MCCC2: variants seen among roughly 807,000 people sequenced by gnomAD.
MCCC2 encodes the protein methylcrotonyl-CoA carboxylase subunit 2, also known as methylcrotonoyl-CoA carboxylase beta chain, mitochondrial.
In MCCC2, 52 loss-of-function variants were observed where a neutral mutation model predicts 77.2. The observed-to-expected ratio is 0.67, with a 90% CI of 0.54 to 0.85. MCCC2 has a LOEUF of 0.85. Among genes scored for constraint, MCCC2 ranks in the 40% least tolerant of loss-of-function variants. The probability of loss-of-function intolerance (pLI) is 0.00; values close to 1 mark genes in which losing one functional copy is unlikely to be tolerated. For synonymous variants in MCCC2, 253 were observed against 248.4 expected, an observed-to-expected ratio of 1.02 and a Z score of -0.18; for missense variants, 682 against 703.2, an observed-to-expected ratio of 0.97 and a Z score of 0.34.
At chr5:71,594,179 T>C (rs1008785664) in intron 2 of MCCC2, among the ~76,000 whole-genome samples, 3 of 152,214 alleles carry the variant, frequency 2.0e-5, no homozygotes, top group African/African-American at 4.8e-5. Context: ...TCAATTGTTA[T>C]GCCCATTTTG....
At chr5:71,599,858 G>A in intron 4 of MCCC2, 98 bp downstream of exon 4, 1 of 946,132 alleles carries the variant, frequency 1.1e-6, no homozygotes, top group Non-Finnish European at 1.7e-6. Context: ...CATGCGATTT[G>A]TATGCTATTT....
At chr5:71,644,616 T>C (rs1469565019) in intron 12 of MCCC2, among the ~76,000 whole-genome samples, 1 of 152,138 alleles carries the variant, frequency 6.6e-6, no homozygotes, top group East Asian at 1.9e-4. Flanking sequence ...TTGATAAAAA[T>C]GTCTTTTAAA....
chr5:71,621,039 T>C (rs1330824725), intron 6 of MCCC2, among the ~76,000 whole-genome samples: 2 of 152,206 alleles, frequency 1.3e-5, no homozygotes, highest in Non-Finnish European at 2.9e-5. Context: ...AAGCCAAATC[T>C]CTGCCTCTGA....
In MCCC2 at chr5:71,634,943, A is replaced by T; in HGVS notation, c.804A>T (p.Arg268Ser). Reference protein sequence around the residue: ...EDLGGADLHCRKSGVSDHWAL... With the variant: ...EDLGGADLHCSKSGVSDHWAL... ...CAAGTTTAGTTTGCTTATTCTGTAG[A>T]AAGTCTGGAGTAAGTGACCACTGGG... The change falls in exon 9 of 17, where the codon AGA becomes AGT. Residue 268 changes from arginine (R) to serine (S), a missense_variant and splice_region_variant. By Grantham distance (110) the Arg-to-Ser change is moderately radical (BLOSUM62 -1). Coordinates refer to ENST00000340941, the MANE Select transcript of MCCC2 (RefSeq NM_022132.5). The T allele has an allele frequency of 1.9e-6, 3 of 1,613,898 alleles. No homozygotes were observed. Among genetic ancestry groups the T allele is most frequent in the Non-Finnish European group, 2.5e-6 (3 of 1,179,900 alleles).
At chr5:71,587,579 G>A in intron 1 of MCCC2, 25 bp downstream of exon 1, 1 of 1,530,646 alleles carries the variant, frequency 6.5e-7, no homozygotes, top group Non-Finnish European at 8.8e-7. Context: ...CCGGTGGCCT[G>A]GCCGCCGGTG....
intron 6 of MCCC2, among the ~76,000 whole-genome samples, chr5:71,616,866 C>T (rs1388696198): frequency 2.0e-5 from 3 of 152,146 alleles, no homozygotes; most frequent in Non-Finnish European, 4.4e-5. Context: ...TGGGCAGTTC[C>T]TCTCCACTCT....
At chr5:71,611,507 G>A (rs1325246082) in intron 6 of MCCC2, among the ~76,000 whole-genome samples, 1 of 152,172 alleles carries the variant, frequency 6.6e-6, no homozygotes, top group Non-Finnish European at 1.5e-5. Flanking sequence ...TACAGTTTTT[G>A]TCTGTTAAAA....
intron 6 of MCCC2, among the ~76,000 whole-genome samples, chr5:71,611,861 T>A (rs1745961065): frequency 6.6e-6 from 1 of 151,526 alleles, no homozygotes; most frequent in Non-Finnish European, 1.5e-5. Context: ...CTACCTCGGC[T>A]CACTGCAAAC....
intron 7 of MCCC2, among the ~76,000 whole-genome samples, chr5:71,629,191 G>A (rs1291505767): frequency 4.9e-5 from 7 of 144,174 alleles, no homozygotes; most frequent in African/African-American, 1.8e-4. Flanking sequence ...GCAACAGAGC[G>A]AGACTCCATC....
In MCCC2 at chr5:71,646,135, T is replaced by G. The variant is rs114346617; in HGVS notation, c.1150-76T>G. On this transcript the variant is annotated intron_variant, in intron 12 of 16. Transcript: ENST00000340941. ...ATTCTTTCTTGTCTTTGGCTGAAGT[T>G]GTGGTGTTTGTAGAATGCATGATGA... The G allele has an allele frequency of 1.1e-3, 1,437 of 1,252,622 alleles. 10 individuals carry two copies. The African/African-American group carries it at 0.013, about 11-fold the overall frequency. 77.6% of individuals were successfully genotyped at this position (1,252,622 alleles called of 1,614,324 possible).
intron 11 of MCCC2, 78 bp downstream of exon 11, chr5:71,641,153 A>T: frequency 7.6e-7 from 1 of 1,311,582 alleles, no homozygotes; most frequent in South Asian, 1.2e-5. Flanking sequence ...CAAGACTTTG[A>T]TACACTTGAC....
intron 6 of MCCC2, among the ~76,000 whole-genome samples, chr5:71,619,915 C>T (rs181677809): frequency 1.0e-3 from 152 of 151,612 alleles, no homozygotes; most frequent in African/African-American, 3.3e-3. Context: ...CGCTTGGACC[C>T]GGGAGGTGGA....
In MCCC2 at chr5:71,658,488, C is replaced by T. The variant is rs1314799322; in HGVS notation, c.*1628C>T. The T allele has an allele frequency of 6.6e-6, 1 of 152,098 alleles. No individual in the cohort carries two copies. Among genetic ancestry groups the T allele is most frequent in the African/African-American group, 2.4e-5 (1 of 41,416 alleles). The allele number at this position is 152,098 out of a possible 1,614,324, so 9.4% of individuals were successfully genotyped here. On this transcript the variant is annotated 3_prime_UTR_variant, in exon 17 of 17. Coordinates refer to ENST00000340941, the MANE Select transcript of MCCC2 (RefSeq NM_022132.5). ...TTTTCCTATAAACATTAATATTGTC[C>T]TCCTGCTAGAATGTAAGCTCCGTGA...
intron 16 of MCCC2, among the ~76,000 whole-genome samples, chr5:71,653,426 C>G (rs1184418157): frequency 6.6e-6 from 1 of 152,150 alleles, no homozygotes; most frequent in East Asian, 1.9e-4. Context: ...GAAGACTAAT[C>G]TAAGCTTCAT....
At chr5:71,596,219 C>T in intron 2 of MCCC2, 61 bp from the exon 3 acceptor site, 1 of 1,401,938 alleles carries the variant, frequency 7.1e-7, no homozygotes, top group East Asian at 2.3e-5. Context: ...TTATGTTTTT[C>T]TGGCATTGAG....
In MCCC2 at chr5:71,633,121, A is replaced by ATTTTT. The variant is rs1231509058; in HGVS notation, c.803+937_803+938insTTTTT. 1.6e-3 allele frequency among the ~76,000 whole-genome samples: 49 copies of ATTTTT among 29,820 alleles called. 1 individual carries two copies. Among genetic ancestry groups the ATTTTT allele is most frequent in the Middle Eastern group, 0.025 (1 of 40 alleles). The allele number at this position is 29,820 out of a possible 152,430, so 19.6% of individuals were successfully genotyped here. A position where few individuals can be genotyped will look rare whatever the true frequency, so the allele number is the denominator to read the frequency against. ...TATATATATATATATATATATATAT[A>ATTTTT]TATATATATATTTTTATTTTTTGTA... On this transcript the variant is annotated intron_variant, in intron 8 of 16. Transcript: ENST00000340941.
intron 4 of MCCC2, 135 bp downstream of exon 4, chr5:71,599,895 G>A: frequency 1.3e-6 from 1 of 775,738 alleles, no homozygotes; most frequent in Non-Finnish European, 2.2e-6. Context: ...GCTGGGTGTG[G>A]TGGCTCACGC....
At position 71,656,986 on chromosome 5, in the gene MCCC2, T is replaced by C; in HGVS notation, c.*126T>C. On this transcript the variant is annotated 3_prime_UTR_variant, in exon 17 of 17. Transcript: ENST00000340941. ...TTTTTTAACACTGTGCATTGTACTT[T>C]TCTACCTTAAAAAAATCAGTGAGGA... 1 of 709,632 alleles carries C rather than the reference T, an allele frequency of 1.4e-6. No individual in the cohort carries two copies. The highest frequency in any genetic ancestry group is 2.5e-6 in the Non-Finnish European group (1 of 400,512). The allele number at this position is 709,632 out of a possible 1,614,324, so 44.0% of individuals were successfully genotyped here.
At chr5:71,646,064 TA>T (rs70992994) in intron 12 of MCCC2, 146 bp from the exon 13 acceptor site, 1,354 of 447,968 alleles carry the variant, frequency 3.0e-3, no homozygotes, top group Middle Eastern at 4.2e-3. Flanking sequence ...CATGTTTCTT[TA>T]AAAAAAAAAA....
Sources: gnomAD v4.1 joint callset for allele counts (sites outside exome capture counted in the v4.1 genomes callset) on GRCh38, gnomAD v4.1.1 for gene constraint, MANE v1.5 for transcripts, NCBI Gene and HGNC (gene_info 2026-07-23, HGNC 2026-07-21) for gene names.